Variants in GPC5 observed in about 807,000 individuals in gnomAD.
The protein encoded by GPC5 is glypican-5.
Under a neutral mutation model 53.9 loss-of-function variants are expected in GPC5, and 47 were observed. That is an observed-to-expected ratio of 0.87 (90% CI 0.69 to 1.11). GPC5 has a LOEUF of 1.11. Among genes scored for constraint, GPC5 ranks in the 50% most tolerant of loss-of-function variants. GPC5 has a pLI of 0.00. For synonymous variants in GPC5, 286 were observed against 263.3 expected (o/e 1.09, Z -0.84); for missense variants, 748 against 713.1 (o/e 1.05, Z -0.56).
At chr13:91,508,889 G>A (rs1885087917) in intron 2 of GPC5, among the ~76,000 whole-genome samples, 1 of 152,096 alleles carries the variant, frequency 6.6e-6, no homozygotes, top group Admixed American at 6.6e-5. Flanking sequence ...TAAGGAATTT[G>A]CCCCCCAAAA....
At chr13:92,698,739 A>G (rs570238205) in intron 7 of GPC5, among the ~76,000 whole-genome samples, 3 of 152,286 alleles carry the variant, frequency 2.0e-5, no homozygotes, top group African/African-American at 7.2e-5. Context: ...AGGAAGCACC[A>G]CACCGACTTC....
At chr13:92,559,359 TG>T (rs1651864215) in intron 7 of GPC5, among the ~76,000 whole-genome samples, 4 of 151,604 alleles carry the variant, frequency 2.6e-5, no homozygotes, top group African/African-American at 7.3e-5. Flanking sequence ...TGTGTGTGTG[TG>T]TGTGTGTGTT....
chr13:92,553,208 G>A (rs1489076714), intron 7 of GPC5, among the ~76,000 whole-genome samples: 1 of 151,890 alleles, frequency 6.6e-6, no homozygotes, highest in Non-Finnish European at 1.5e-5. Flanking sequence ...ACAGAAACCT[G>A]TTAGATAATA....
At chr13:92,731,686 A>G (rs1888810198) in intron 7 of GPC5, among the ~76,000 whole-genome samples, 1 of 151,484 alleles carries the variant, frequency 6.6e-6, no homozygotes, top group African/African-American at 2.4e-5. Context: ...AATTACTTCT[A>G]AAGGAAAGAG....
chr13:92,152,583 C>CA (rs1320952431), intron 7 of GPC5, among the ~76,000 whole-genome samples: 4 of 151,856 alleles, frequency 2.6e-5, no homozygotes, highest in African/African-American at 9.7e-5. Context: ...TAAAAAAATA[C>CA]AAAAAATTAG....
intron 7 of GPC5, among the ~76,000 whole-genome samples, chr13:92,290,794 A>T (rs922151938): frequency 6.6e-6 from 1 of 152,048 alleles, no homozygotes; most frequent in Non-Finnish European, 1.5e-5. Context: ...GCGGCACTTG[A>T]GGAGCCCTTC....
intron 2 of GPC5, among the ~76,000 whole-genome samples, chr13:91,467,513 T>G (rs984864476): frequency 6.6e-6 from 1 of 152,190 alleles, no homozygotes; most frequent in African/African-American, 2.4e-5. Flanking sequence ...TCCCTTCTTA[T>G]GCTCTCAGTT....
intron 6 of GPC5, among the ~76,000 whole-genome samples, chr13:92,026,045 G>C (rs531230083): frequency 5.9e-5 from 9 of 152,182 alleles, no homozygotes; most frequent in African/African-American, 2.2e-4. Flanking sequence ...CAGCACTTCC[G>C]AGCAGGAGTA....
intron 2 of GPC5, among the ~76,000 whole-genome samples, chr13:91,476,252 C>T (rs2139196741): frequency 6.6e-6 from 1 of 152,272 alleles, no homozygotes; most frequent in Admixed American, 6.5e-5. Context: ...AAATGTCCCC[C>T]CAGGGAGCAA....
intron 6 of GPC5, among the ~76,000 whole-genome samples, chr13:91,980,297 C>T (rs898625905): frequency 3.9e-5 from 6 of 152,130 alleles, no homozygotes; most frequent in Non-Finnish European, 7.4e-5. Context: ...CACATGACAT[C>T]CATAGACTTC....
intron 7 of GPC5, among the ~76,000 whole-genome samples, chr13:92,635,604 C>A (rs1885384945): frequency 6.6e-6 from 1 of 152,194 alleles, no homozygotes; most frequent in Non-Finnish European, 1.5e-5. Context: ...GGTCCCACTT[C>A]TCACCACTGT....
At chr13:91,676,466 GA>G (rs570114876) in intron 2 of GPC5, among the ~76,000 whole-genome samples, 2 of 151,768 alleles carry the variant, frequency 1.3e-5, no homozygotes, top group African/African-American at 2.4e-5. Flanking sequence ...GAAACAGAAT[GA>G]AAAAAAAGTC....
intron 7 of GPC5, among the ~76,000 whole-genome samples, chr13:92,752,889 G>A (rs1874642305): frequency 6.6e-6 from 1 of 152,154 alleles, no homozygotes; most frequent in Non-Finnish European, 1.5e-5. Flanking sequence ...AGATCAAACT[G>A]CAAGGCGGCA....
chr13:92,145,122 A>C (rs1040056320), intron 7 of GPC5, 133 bp downstream of exon 7: 6 of 877,318 alleles, frequency 6.8e-6, no homozygotes, highest in Admixed American at 4.2e-5. Context: ...AAATGAATCT[A>C]TTTTTGGTTT....
chr13:92,118,186 T>C (rs1451411034), intron 6 of GPC5, among the ~76,000 whole-genome samples: 2 of 152,214 alleles, frequency 1.3e-5, no homozygotes, highest in Admixed American at 1.3e-4. Flanking sequence ...TTGAATTTTG[T>C]CAAATGCTTT....
At chr13:91,675,430 C>T (rs996589898) in intron 2 of GPC5, among the ~76,000 whole-genome samples, 5 of 152,256 alleles carry the variant, frequency 3.3e-5, no homozygotes, top group Middle Eastern at 3.4e-3. Flanking sequence ...CAATTTTTGG[C>T]TCAAAAACCA....
At chr13:92,463,993 A>G (rs1035446873) in intron 7 of GPC5, among the ~76,000 whole-genome samples, 3 of 152,172 alleles carry the variant, frequency 2.0e-5, no homozygotes, top group African/African-American at 7.2e-5. Flanking sequence ...GAGAATAGCT[A>G]TTATATGTTA....
At chr13:91,768,085 T>A (rs945189527) in intron 5 of GPC5, among the ~76,000 whole-genome samples, 1 of 152,210 alleles carries the variant, frequency 6.6e-6, no homozygotes, top group African/African-American at 2.4e-5. Context: ...TTAGTCTAGT[T>A]CCAGTGTTTC....
At chr13:92,766,631 C>T (rs189787737) in intron 7 of GPC5, among the ~76,000 whole-genome samples, 10 of 152,240 alleles carry the variant, frequency 6.6e-5, no homozygotes, top group Middle Eastern at 3.4e-3. Context: ...TTATCAGATT[C>T]GGTATAAGAC....
Sources: allele counts gnomAD v4.1 joint callset (sites outside exome capture counted in the v4.1 genomes callset), GRCh38; gene constraint gnomAD v4.1.1; transcripts MANE v1.5; gene names NCBI Gene and HGNC (gene_info 2026-07-23, HGNC 2026-07-21).